ME2: variants seen among roughly 807,000 people sequenced by gnomAD.
ME2 encodes malic enzyme 2.
In ME2, 60 loss-of-function variants were observed where a neutral mutation model predicts 73.7. The observed-to-expected ratio is 0.81, with a 90% CI of 0.66 to 1.01. The LOEUF (loss-of-function observed/expected upper bound fraction) is 1.01. ME2 is among the 50% of genes least tolerant of loss of function. The pLI is 0.00. For synonymous variants in ME2, 199 were observed against 236.9 expected, an observed-to-expected ratio of 0.84 and a Z score of 1.47; for missense variants, 594 against 705.5, an observed-to-expected ratio of 0.84 and a Z score of 1.79.
chr18:50,946,193 G>A (rs1043678531), intron 15 of ME2, among the ~76,000 whole-genome samples: 2 of 152,270 alleles, frequency 1.3e-5, no homozygotes, highest in Admixed American at 1.3e-4. Flanking sequence ...TACCCTGTGA[G>A]GAAGTGTTTC....
intron 15 of ME2, 83 bp from the exon 16 acceptor site, chr18:50,946,934 T>G (rs534216308): frequency 8.2e-5 from 81 of 984,452 alleles, no homozygotes; most frequent in Middle Eastern, 7.6e-4. Flanking sequence ...CTTCTAAACT[T>G]ATTTTCCTGT....
rs1007206880 is a variant in ME2, at chr18:50,940,342, C to T, written c.1543C>T (p.Pro515Ser). 3.7e-6 allele frequency: 6 copies of T among 1,611,324 alleles called. No homozygotes were observed. The highest frequency in any genetic ancestry group is 5.1e-6 in the Non-Finnish European group (6 of 1,179,412). The change falls in exon 15 of 16, where the codon CCG (proline) becomes TCG (serine). Residue 515 changes from proline to serine, a missense_variant. Coordinates refer to ENST00000321341, the MANE Select transcript of ME2 (RefSeq NM_002396.5). ...EELAQGRLYP[P>S]LANIQEVSIN... ...GCTAGCCCAAGGGAGACTTTACCCA[C>T]CGCTTGCTAATATTCAGGAAGTTTC...
At chr18:50,912,662 G>T in intron 3 of ME2, 139 bp from the exon 4 acceptor site, 1 of 639,092 alleles carries the variant, frequency 1.6e-6, no homozygotes. Context: ...AATAATCTAA[G>T]GTTTTGGGTT....
intron 1 of ME2, among the ~76,000 whole-genome samples, chr18:50,885,042 G>A (rs531098920): frequency 9.0e-4 from 137 of 152,190 alleles, no homozygotes; most frequent in Non-Finnish European, 1.7e-3. Context: ...TTTTAGTAGA[G>A]ACAGGGTTTT....
chr18:50,939,275 G>T, intron 13 of ME2: 2 of 244,778 alleles, frequency 8.2e-6, no homozygotes, highest in Non-Finnish European at 1.6e-5. Flanking sequence ...TTAGAGGTGG[G>T]CTGGGAACTG....
intron 3 of ME2, among the ~76,000 whole-genome samples, chr18:50,908,711 G>GACTT (rs1917074662): frequency 6.6e-6 from 1 of 152,094 alleles, no homozygotes; most frequent in South Asian, 2.1e-4. Context: ...TGCGATCTCA[G>GACTT]CTTACTGCAG....
intron 13 of ME2, among the ~76,000 whole-genome samples, chr18:50,938,219 T>G (rs1326194963): frequency 6.6e-6 from 1 of 152,182 alleles, no homozygotes; most frequent in Non-Finnish European, 1.5e-5. Context: ...TCCCAGCTAC[T>G]CAGGAAGCTG....
At position 50,927,721 on chromosome 18, in the gene ME2, CATATAT is replaced by C. The variant is rs368161371; in HGVS notation, c.1314+1849_1314+1854del. ...CATCTCAAAAAAAACCCCAAAAAAC[CATATAT>C]ATATATATATATATATATATATATA... On this transcript the variant is annotated intron_variant, in intron 12 of 15. Transcript: ENST00000321341. 5.6e-3 allele frequency among the ~76,000 whole-genome samples: 476 copies of C among 85,444 alleles called. 5 individuals carry two copies. The highest frequency in any genetic ancestry group is 0.013 in the South Asian group (23 of 1,748). The allele number at this position is 85,444 out of a possible 152,430, so 56.1% of individuals were successfully genotyped here.
At chr18:50,946,975 T>C in intron 15 of ME2, 42 bp from the exon 16 acceptor site, 1 of 1,436,096 alleles carries the variant, frequency 7.0e-7, no homozygotes, top group South Asian at 1.2e-5. Flanking sequence ...CTCTAATAGG[T>C]TAATACTCAG....
Position 50,927,751 on chromosome 18 carries a change from T to TACACAC in ME2, c.1314+1854_1314+1859dup, listed in dbSNP as rs1555678365. 7.2e-4 allele frequency among the ~76,000 whole-genome samples: 89 copies of TACACAC among 123,290 alleles called. No homozygotes were observed. The Middle Eastern group carries it at 0.014, about 19-fold the overall frequency. The allele number at this position is 123,290 out of a possible 152,430, so 80.9% of individuals were successfully genotyped here. A position where few individuals can be genotyped will look rare whatever the true frequency, so the allele number is the denominator to read the frequency against. On this transcript the variant is annotated intron_variant, in intron 12 of 15. Coordinates refer to ENST00000321341, the MANE Select transcript of ME2 (RefSeq NM_002396.5). ...ATATATATATATATATATATATATA[T>TACACAC]ACACACCACAGTACTGTTATACCTC... is the stretch of plus-strand genomic sequence containing the variant.
chr18:50,911,752 G>C lies in ME2; in HGVS notation c.243-1049G>C, dbSNP rs574453762. Among the ~76,000 whole-genome samples the C allele has an allele frequency of 2.0e-5, 3 of 152,314 alleles. No homozygotes were observed. The South Asian group carries it at 6.2e-4, about 32-fold the overall frequency. ...AGCTGAAGTAAGTCAACATGAAGAA[G>C]ATGAGGCTGAAAAGTAGGCAGAGGT... is the stretch of plus-strand genomic sequence containing the variant. On this transcript the variant is annotated intron_variant, in intron 3 of 15. Coordinates refer to ENST00000321341, the MANE Select transcript of ME2 (RefSeq NM_002396.5).
At position 50,940,395 on chromosome 18, in the gene ME2, TAACTTA is replaced by T; in HGVS notation, c.1587+15_1587+20del. The T allele has an allele frequency of 7.0e-7, 1 of 1,435,980 alleles. No individual in the cohort carries two copies. Among genetic ancestry groups the T allele is most frequent in the Non-Finnish European group, 9.7e-7 (1 of 1,033,388 alleles). The allele number at this position is 1,435,980 out of a possible 1,614,324, so 89.0% of individuals were successfully genotyped here. On this transcript the variant is annotated intron_variant, in intron 15 of 15. Transcript: ENST00000321341. ...TTAACATTGCTATTAAAGTAAGTAA[TAACTTA>T]AACTTCTTCACATTAATTTTAATGA...
At position 50,945,487 on chromosome 18, in the gene ME2, A is replaced by T. The variant is rs374295874; in HGVS notation, c.1588-1530A>T. On this transcript the variant is annotated intron_variant, in intron 15 of 15. Transcript: ENST00000321341. ...GCCACTGAGGATCTAGCCCTTCCCTACTTCTTTTTCCTAGTCAGTGATAAT... is the reference window on the plus strand; with the variant it reads ...GCCACTGAGGATCTAGCCCTTCCCTTCTTCTTTTTCCTAGTCAGTGATAAT... Among the ~76,000 whole-genome samples the T allele has an allele frequency of 7.7e-4, 117 of 152,112 alleles. No homozygotes were observed. In the Middle Eastern group the frequency reaches 0.01, roughly 13 times the overall value.
In ME2 at chr18:50,898,865, T is replaced by G. The variant is rs566498327; in HGVS notation, c.108+2937T>G. Among the ~76,000 whole-genome samples, 5 of 152,226 alleles carry G rather than the reference T, an allele frequency of 3.3e-5. No homozygotes were observed. The South Asian group carries it at 1.0e-3, about 32-fold the overall frequency. ...ACCCTTCAACTTCTCTAGGCCTTAGTTTTCTTCATGTAAATAATATAGGTA... is the reference window on the plus strand; with the variant it reads ...ACCCTTCAACTTCTCTAGGCCTTAGGTTTCTTCATGTAAATAATATAGGTA... On this transcript the variant is annotated intron_variant, in intron 2 of 15. Coordinates refer to ENST00000321341, the MANE Select transcript of ME2 (RefSeq NM_002396.5).
intron 2 of ME2, among the ~76,000 whole-genome samples, chr18:50,897,109 A>C (rs1307287827): frequency 6.6e-6 from 1 of 152,146 alleles, no homozygotes; most frequent in African/African-American, 2.4e-5. Flanking sequence ...AGTAATCAAT[A>C]GGTGTTGCTT....
chr18:50,912,239 C>G (rs890749818), intron 3 of ME2, among the ~76,000 whole-genome samples: 2 of 152,150 alleles, frequency 1.3e-5, no homozygotes, highest in African/African-American at 4.8e-5. Context: ...AATTTAAAAA[C>G]AAGTTATTTA....
intron 2 of ME2, among the ~76,000 whole-genome samples, chr18:50,907,003 TG>T (rs1917034275): frequency 6.6e-6 from 1 of 152,208 alleles, no homozygotes; most frequent in Non-Finnish European, 1.5e-5. Flanking sequence ...GTGAGCTTTT[TG>T]TTACCCTGTT....
In ME2 at chr18:50,904,907, T is replaced by A. The variant is rs1274502545; in HGVS notation, c.109-3156T>A. Among the ~76,000 whole-genome samples, 4 of 152,202 alleles carry A rather than the reference T, an allele frequency of 2.6e-5. No individual in the cohort carries two copies. In the East Asian group the frequency reaches 7.7e-4, roughly 29 times the overall value. ...TGGGGCATTATCTCTTGAAATATTATTCTGCTTCTTTCTCTCCTCTCCTCA... is the reference window on the plus strand; with the variant it reads ...TGGGGCATTATCTCTTGAAATATTAATCTGCTTCTTTCTCTCCTCTCCTCA... On this transcript the variant is annotated intron_variant, in intron 2 of 15. Coordinates refer to ENST00000321341, the MANE Select transcript of ME2 (RefSeq NM_002396.5).
intron 1 of ME2, among the ~76,000 whole-genome samples, chr18:50,882,029 C>A (rs1790496): frequency 0.34 from 51,428 of 151,978 alleles, 8,886 homozygotes; most frequent in Non-Finnish European, 0.38. Flanking sequence ...GAGAGAGGGT[C>A]TCACTTTTAC....
Sources: gnomAD v4.1 joint callset for allele counts (sites outside exome capture counted in the v4.1 genomes callset) on GRCh38, gnomAD v4.1.1 for gene constraint, MANE v1.5 for transcripts, NCBI Gene and HGNC (gene_info 2026-07-23, HGNC 2026-07-21) for gene names.